MACROD2: variants seen among roughly 807,000 people sequenced by gnomAD.
The protein encoded by MACROD2 is mono-ADP ribosylhydrolase 2, also known as ADP-ribose glycohydrolase MACROD2.
In MACROD2, 36 loss-of-function variants were observed where a neutral mutation model predicts 70.4. That is an observed-to-expected ratio of 0.51 (90% CI 0.39 to 0.68). MACROD2 has a LOEUF of 0.68. MACROD2 is among the 30% of genes least tolerant of loss of function. The pLI is 0.00. For missense variants in MACROD2, 496 were observed against 538.4 expected (o/e 0.92, Z 0.78); for synonymous variants, 172 against 178.8 (o/e 0.96, Z 0.30).
At chr20:15,118,195 A>ATT (rs140809606) in intron 5 of MACROD2, among the ~76,000 whole-genome samples, 13,724 of 113,770 alleles carry the variant, frequency 0.12, 1,190 homozygotes, top group East Asian at 0.45. Flanking sequence ...TTTAATTTTA[A>ATT]ATTTTTTTTT....
chr20:15,813,891 C>T (rs1198131876), intron 8 of MACROD2, among the ~76,000 whole-genome samples: 1 of 152,204 alleles, frequency 6.6e-6, no homozygotes, highest in Non-Finnish European at 1.5e-5. Flanking sequence ...TTACATAAAA[C>T]AGCATGGTTT....
chr20:14,835,297 T>C (rs2073017319), intron 5 of MACROD2, among the ~76,000 whole-genome samples: 1 of 152,068 alleles, frequency 6.6e-6, no homozygotes, highest in Admixed American at 6.6e-5. Context: ...GTAGGAGTTC[T>C]ATTTAGAAAT....
At chr20:15,017,142 G>A (rs1033167620) in intron 5 of MACROD2, among the ~76,000 whole-genome samples, 3 of 152,276 alleles carry the variant, frequency 2.0e-5, no homozygotes, top group African/African-American at 7.2e-5. Flanking sequence ...TTCTGCCTAT[G>A]AGCCTGTAAA....
At chr20:15,012,413 CA>C (rs1261302750) in intron 5 of MACROD2, among the ~76,000 whole-genome samples, 3 of 152,110 alleles carry the variant, frequency 2.0e-5, no homozygotes, top group African/African-American at 7.2e-5. Flanking sequence ...CTCGTTCAAG[CA>C]AATTACCTAG....
At chr20:14,535,924 C>G (rs919880872) in intron 4 of MACROD2, among the ~76,000 whole-genome samples, 2 of 152,178 alleles carry the variant, frequency 1.3e-5, no homozygotes, top group East Asian at 3.9e-4. Context: ...ATGTAATTCA[C>G]TTTGTTTATG....
chr20:15,887,711 T>TA (rs1373809872), intron 10 of MACROD2, among the ~76,000 whole-genome samples: 2 of 152,206 alleles, frequency 1.3e-5, no homozygotes, highest in African/African-American at 2.4e-5. Context: ...TGTATAATTT[T>TA]AGATTTTCTA....
intron 12 of MACROD2, among the ~76,000 whole-genome samples, chr20:15,950,004 A>G (rs1448314717): frequency 6.6e-6 from 1 of 152,188 alleles, no homozygotes; most frequent in Non-Finnish European, 1.5e-5. Context: ...TTTTAAGAGT[A>G]TGTATTTTTC....
chr20:15,136,314 C>A (rs946849433), intron 5 of MACROD2, among the ~76,000 whole-genome samples: 5 of 150,200 alleles, frequency 3.3e-5, no homozygotes, highest in African/African-American at 1.2e-4. Flanking sequence ...TCAAACTATA[C>A]TACAAGGCTA....
At chr20:14,614,784 T>G (rs1261647985) in intron 4 of MACROD2, among the ~76,000 whole-genome samples, 2 of 152,144 alleles carry the variant, frequency 1.3e-5, no homozygotes, top group Admixed American at 1.3e-4. Flanking sequence ...GTCTTGATGC[T>G]AAACACTGCA....
At chr20:14,406,626 A>G (rs369328904) in intron 3 of MACROD2, among the ~76,000 whole-genome samples, 1 of 152,146 alleles carries the variant, frequency 6.6e-6, no homozygotes, top group Non-Finnish European at 1.5e-5. Context: ...TCAACTAAAC[A>G]GATGTTACAT....
intron 5 of MACROD2, among the ~76,000 whole-genome samples, chr20:15,085,332 G>A (rs930481791): frequency 1.3e-5 from 2 of 152,072 alleles, no homozygotes; most frequent in Non-Finnish European, 2.9e-5. Flanking sequence ...CTTGGTTTAA[G>A]GCAATAGTTT....
intron 3 of MACROD2, among the ~76,000 whole-genome samples, chr20:14,155,933 A>G (rs1321096504): frequency 2.6e-5 from 4 of 152,286 alleles, no homozygotes; most frequent in Non-Finnish European, 4.4e-5. Context: ...TGGCCAAGCC[A>G]GGAGGATAGC....
intron 3 of MACROD2, among the ~76,000 whole-genome samples, chr20:14,119,469 C>T (rs931454658): frequency 2.0e-5 from 3 of 152,104 alleles, no homozygotes; most frequent in Non-Finnish European, 4.4e-5. Flanking sequence ...CGCACCTGGC[C>T]ATGACTGGAT....
At chr20:14,701,644 C>T (rs998088260) in intron 5 of MACROD2, among the ~76,000 whole-genome samples, 1 of 152,036 alleles carries the variant, frequency 6.6e-6, no homozygotes, top group African/African-American at 2.4e-5. Context: ...CGTTATAAAC[C>T]AGGACTTGCT....
chr20:15,300,278 C>T (rs957666845), intron 6 of MACROD2, among the ~76,000 whole-genome samples: 3 of 152,170 alleles, frequency 2.0e-5, no homozygotes, highest in African/African-American at 7.2e-5. Context: ...GCTCATTGTT[C>T]TCAAACCATG....
At chr20:14,695,509 G>A (rs1287384060) in intron 5 of MACROD2, among the ~76,000 whole-genome samples, 1 of 152,106 alleles carries the variant, frequency 6.6e-6, no homozygotes, top group Admixed American at 6.6e-5. Context: ...TAACTATCTG[G>A]AGTCACCATT....
rs758629146 is a variant in MACROD2, at chr20:14,163,067, A to G, written c.271+77339A>G. On this transcript the variant is annotated intron_variant, in intron 3 of 17. Transcript: ENST00000684519. Reference sequence around the variant, plus strand: ...GGTTTTTATATTTTCATATGTTTTCATGAGGGTAGATTTCATTCTTTTGCT... The same window carrying G: ...GGTTTTTATATTTTCATATGTTTTCGTGAGGGTAGATTTCATTCTTTTGCT... 3.3e-5 allele frequency among the ~76,000 whole-genome samples: 5 copies of G among 151,824 alleles called. No homozygotes were observed. In the East Asian group the frequency reaches 7.7e-4, roughly 23 times the overall value.
intron 4 of MACROD2, among the ~76,000 whole-genome samples, chr20:14,606,243 T>C (rs1263981255): frequency 6.6e-6 from 1 of 152,182 alleles, no homozygotes; most frequent in African/African-American, 2.4e-5. Context: ...CAAATGTGGC[T>C]GCATCTCAAC....
intron 6 of MACROD2, among the ~76,000 whole-genome samples, chr20:15,344,816 A>G (rs775237532): frequency 1.3e-5 from 2 of 152,238 alleles, no homozygotes; most frequent in African/African-American, 2.4e-5. Flanking sequence ...GAGTTATTCA[A>G]TCTGACCTGT....
Sources: gnomAD v4.1 joint callset for allele counts (sites outside exome capture counted in the v4.1 genomes callset) on GRCh38, gnomAD v4.1.1 for gene constraint, MANE v1.5 for transcripts, NCBI Gene and HGNC (gene_info 2026-07-23, HGNC 2026-07-21) for gene names.